Variants in VIRMA observed in about 807,000 individuals in gnomAD.
VIRMA encodes vir like m6A methyltransferase associated, also known as protein virilizer homolog.
In VIRMA, 65 loss-of-function variants were observed where a neutral mutation model predicts 182.4. That is an observed-to-expected ratio of 0.36 (90% CI 0.29 to 0.44). VIRMA has a LOEUF of 0.44. Ranked by LOEUF, VIRMA falls within the 20% of genes least tolerant of loss-of-function variation. The probability of loss-of-function intolerance (pLI) is 1.00; values close to 1 mark genes in which losing one functional copy is unlikely to be tolerated. For synonymous variants in VIRMA, 709 were observed against 743.1 expected, an observed-to-expected ratio of 0.95 and a Z score of 0.75; for missense variants, 1,752 against 2,158.1, an observed-to-expected ratio of 0.81 and a Z score of 3.73.
Position 94,491,722 on chromosome 8 carries a change from C to A in VIRMA, c.4996G>T (p.Val1666Phe), listed in dbSNP as rs1417610586. 1 of 1,614,136 alleles carries A rather than the reference C, an allele frequency of 6.2e-7. No homozygotes were observed. The highest frequency in any genetic ancestry group is 8.5e-7 in the Non-Finnish European group (1 of 1,180,034). The stretch of plus-strand genomic sequence containing the variant: ...GGTGGAGGTATTCCATCTTGAGGAA[C>A]CACTTCTTTACTTTCAGCAGCAACA... The part of the protein sequence containing the change: ...DFVAAESKEV[V>F]PQDGIPPPKR... Residue 1666 changes from valine to phenylalanine, a missense_variant, in exon 22 of 24, where the codon GTT (valine) becomes TTT (phenylalanine). By Grantham distance (50) the Val-to-Phe change is conservative. Around this residue, in one of 11 missense-constraint regions of VIRMA, gnomAD observed 12 missense variants for 24.2 expected, o/e 0.50. Transcript: ENST00000297591.
chr8:94,536,962 G>A, intron 4 of VIRMA, 141 bp downstream of exon 4: 1 of 659,286 alleles, frequency 1.5e-6, no homozygotes, highest in Non-Finnish European at 2.7e-6. Context: ...CTGGGTGACA[G>A]AGCGAGACTC....
rs536765222 is a variant in VIRMA at position 94,538,415 on chromosome 8, T to C, written c.180-69A>G. 78 of 935,912 alleles carry C rather than the reference T, an allele frequency of 8.3e-5. 1 individual carries two copies. The East Asian group carries it at 1.6e-3, about 19-fold the overall frequency. The allele number at this position is 935,912 out of a possible 1,614,324, so 58.0% of individuals were successfully genotyped here. On this transcript the variant is annotated intron_variant, in intron 2 of 23. Coordinates refer to ENST00000297591, the MANE Select transcript of VIRMA (RefSeq NM_015496.5). ...ACTTCCTAAATTAAAACAAATAACA[T>C]AGTAAGTACAAAGTTAAGAGCAATT...
Position 94,526,746 on chromosome 8 carries a change from TAAGAG to T in VIRMA, c.1493_1497del (p.Ser498Ter). On this transcript the variant is annotated frameshift_variant, in exon 8 of 24. Coordinates refer to ENST00000297591, the MANE Select transcript of VIRMA (RefSeq NM_015496.5). LOFTEE classifies it high-confidence loss of function. ...TCCAAAGCTTTAAAAGCATTTAACTTAAGAGAAGATGATACGTGATCAGCAAACAG... is the reference window on the plus strand; with the variant it reads ...TCCAAAGCTTTAAAAGCATTTAACTTAAGATGATACGTGATCAGCAAACAG... 6.2e-7 allele frequency: 1 copy of T among 1,613,980 alleles called. No homozygotes were observed. Among genetic ancestry groups the T allele is most frequent in the Non-Finnish European group, 8.5e-7 (1 of 1,180,020 alleles).
At chr8:94,491,156 A>G (rs1446989291) in intron 22 of VIRMA, among the ~76,000 whole-genome samples, 2 of 151,006 alleles carry the variant, frequency 1.3e-5, no homozygotes, top group African/African-American at 4.9e-5. Context: ...TCTACTAAAA[A>G]TACAAAAATT....
chr8:94,519,436 G>C lies in VIRMA; in HGVS notation c.2062C>G (p.Leu688Val). 6.5e-7 allele frequency: 1 copy of C among 1,527,806 alleles called. No individual in the cohort carries two copies. Among genetic ancestry groups the C allele is most frequent in the East Asian group, 2.3e-5 (1 of 44,358 alleles). The allele number at this position is 1,527,806 out of a possible 1,614,324, so 94.6% of individuals were successfully genotyped here. ...GCACTTGTTACTGGAATTGACAGAA[G>C]CAAGGTAACCAACTCCAAGAAGTGA... ...SHHFLELVTL[L>V]LSIPVTSAHP... Residue 688 changes from leucine to valine, a missense_variant, in exon 9 of 24, where the codon CTT becomes GTT. This residue lies in a region of VIRMA where 401 missense variants were observed against 455.1 expected (regional missense o/e 0.88). Coordinates refer to ENST00000297591, the MANE Select transcript of VIRMA (RefSeq NM_015496.5).
rs1230995426 is a variant in VIRMA at position 94,545,483 on chromosome 8, T to C, written c.64-1541A>G. On this transcript the variant is annotated intron_variant, in intron 1 of 23. Transcript: ENST00000297591. Reference sequence around the variant, plus strand: ...TTGTATATAAAAGAGTTTCTGTATTTGCTGCTACCAGTTGTTAAATATTTA... The same window carrying C: ...TTGTATATAAAAGAGTTTCTGTATTCGCTGCTACCAGTTGTTAAATATTTA... 2.0e-5 allele frequency among the ~76,000 whole-genome samples: 3 copies of C among 152,226 alleles called. No homozygotes were observed. In the East Asian group the frequency reaches 5.8e-4, roughly 29 times the overall value.
Position 94,506,557 on chromosome 8 carries a change from C to T in VIRMA, c.4040G>A (p.Cys1347Tyr). 6.2e-7 allele frequency: 1 copy of T among 1,613,498 alleles called. No homozygotes were observed. Among genetic ancestry groups the T allele is most frequent in the Non-Finnish European group, 8.5e-7 (1 of 1,179,592 alleles). Residue 1347 changes from cysteine to tyrosine, a missense_variant, in exon 16 of 24, where the codon TGT becomes TAT. By Grantham distance (194) the Cys-to-Tyr change is radical (BLOSUM62 -2). Coordinates refer to ENST00000297591, the MANE Select transcript of VIRMA (RefSeq NM_015496.5). ...TGCAAGAAACATCATTGTTCTGACA[C>T]ATGTCAGTAAACAGTTGTAACTGCT... ...SESSYNCLLTCVRTMMFLAEH... is the reference protein window; with the variant it reads ...SESSYNCLLTYVRTMMFLAEH...
chr8:94,548,346 T>C (rs1288102424), intron 1 of VIRMA, among the ~76,000 whole-genome samples: 1 of 151,252 alleles, frequency 6.6e-6, no homozygotes, highest in Non-Finnish European at 1.5e-5. Context: ...TACAGTATTG[T>C]AATATTAACG....
At chr8:94,547,873 A>T (rs1489848248) in intron 1 of VIRMA, among the ~76,000 whole-genome samples, 1 of 150,058 alleles carries the variant, frequency 6.7e-6, no homozygotes, top group Non-Finnish European at 1.5e-5. Context: ...CTCTACCAAA[A>T]AAAAAAAAAA....
intron 16 of VIRMA, among the ~76,000 whole-genome samples, chr8:94,500,776 G>A (rs79521048): frequency 6.6e-6 from 1 of 150,750 alleles, no homozygotes; most frequent in Non-Finnish European, 1.5e-5. Context: ...AATGAAAACT[G>A]AGATTCACAC....
In VIRMA at chr8:94,491,796, T is replaced by C. The variant is rs1319401820; in HGVS notation, c.4922A>G (p.Gln1641Arg). 6.2e-7 allele frequency: 1 copy of C among 1,613,882 alleles called. No individual in the cohort carries two copies. The highest frequency in any genetic ancestry group is 1.7e-5 in the Admixed American group (1 of 59,994). The change falls in exon 22 of 24, where the codon CAG becomes CGG. Residue 1641 changes from glutamine (Q) to arginine (R), a missense_variant. Coordinates refer to ENST00000297591, the MANE Select transcript of VIRMA (RefSeq NM_015496.5). ...QGIRPHDIFR[Q>R]RKQNTSRPPS... ...TGGTCTACTTGTGTTCTGTTTTCTC[T>C]GACGAAAAATATCATGAGGTCGTAT...
In VIRMA at chr8:94,519,209, G is replaced by A; in HGVS notation, c.2289C>T (p.Asp763=). ...IDDAFALWLQ[D]STQTLQCITE... ...TAATACATTGCAATGTCTGTGTTGA[G>A]TCCTGTAGCCACAAGGCAAATGCAT... The change falls in exon 9 of 24, where the codon GAC becomes GAT. Residue 763 remains aspartate, a synonymous_variant. Transcript: ENST00000297591. 1.9e-6 allele frequency: 3 copies of A among 1,614,120 alleles called. No homozygotes were observed. The highest frequency in any genetic ancestry group is 2.5e-6 in the Non-Finnish European group (3 of 1,179,996).
At chr8:94,505,376 C>A (rs567580577) in intron 16 of VIRMA, among the ~76,000 whole-genome samples, 1 of 142,998 alleles carries the variant, frequency 7.0e-6, no homozygotes. Flanking sequence ...TATCTTCCCT[C>A]TTCCTTCTCC....
intron 6 of VIRMA, among the ~76,000 whole-genome samples, chr8:94,529,906 C>T (rs77708497): frequency 0.24 from 36,328 of 152,110 alleles, 5,342 homozygotes; most frequent in East Asian, 0.5. Context: ...TCCCAAAGTG[C>T]TGGGATTACA....
chr8:94,495,717 A>G lies in VIRMA; in HGVS notation c.4544+14T>C. 1 of 1,608,026 alleles carries G rather than the reference A, an allele frequency of 6.2e-7. No homozygotes were observed. Among genetic ancestry groups the G allele is most frequent in the East Asian group, 2.2e-5 (1 of 44,820 alleles). On this transcript the variant is annotated intron_variant, in intron 19 of 23. Transcript: ENST00000297591. ...ACCAACAGCTATTCAATCATAAAAC[A>G]TTGTGTATTTTACCTATTGTTAAAC...
Position 94,538,312 on chromosome 8 carries a change from A to G in VIRMA, c.214T>C (p.Phe72Leu), listed in dbSNP as rs1217330329. 6.2e-7 allele frequency: 1 copy of G among 1,613,252 alleles called. No individual in the cohort carries two copies. Among genetic ancestry groups the G allele is most frequent in the Non-Finnish European group, 8.5e-7 (1 of 1,179,290 alleles). Reference sequence around the variant, plus strand: ...CTTGGTTTGCTTACATTGTTGAAGAATAAGTCTAATTGAAATGTATGGGGA... The same window carrying G: ...CTTGGTTTGCTTACATTGTTGAAGAGTAAGTCTAATTGAAATGTATGGGGA... ...TSPHTFQLDL[F>L]FNNVSKPSAP... The change falls in exon 3 of 24, where the codon TTC becomes CTC. Residue 72 changes from phenylalanine to leucine, a missense_variant. Transcript: ENST00000297591.
chr8:94,517,600 G>A (rs1402659236), intron 10 of VIRMA, among the ~76,000 whole-genome samples, 188 bp downstream of exon 10: 1 of 152,016 alleles, frequency 6.6e-6, no homozygotes, highest in African/African-American at 2.4e-5. Flanking sequence ...AAACTATTTT[G>A]TTTATATACT....
chr8:94,522,001 A>C (rs950565165), intron 8 of VIRMA, among the ~76,000 whole-genome samples: 1 of 152,146 alleles, frequency 6.6e-6, no homozygotes. Flanking sequence ...CCTAACTGAT[A>C]AGAATGGTTC....
rs971637572 is a variant in VIRMA at position 94,512,012 on chromosome 8, T to G, written c.2829A>C (p.Pro943=). The part of the protein sequence containing the change: ...ALRVLCNVAC[P]PPPVEGQQKD... ...CCACATTACCTTCAACAGGAGGTGG[T>G]GGGCATGCAACATTACAGAGAACAC... The change falls in exon 12 of 24, where the codon CCA becomes CCC. Residue 943 remains proline (P), a synonymous_variant. Coordinates refer to ENST00000297591, the MANE Select transcript of VIRMA (RefSeq NM_015496.5). 1 of 1,527,786 alleles carries G rather than the reference T, an allele frequency of 6.5e-7. No homozygotes were observed. The highest frequency in any genetic ancestry group is 1.9e-5 in the Admixed American group (1 of 52,920). The allele number at this position is 1,527,786 out of a possible 1,614,324, so 94.6% of individuals were successfully genotyped here.
Sources: gnomAD v4.1 joint callset for allele counts (sites outside exome capture counted in the v4.1 genomes callset) on GRCh38, gnomAD v4.1.1 for gene constraint, gnomAD v4.1.1 regional missense constraint, MANE v1.5 for transcripts, NCBI Gene and HGNC (gene_info 2026-07-23, HGNC 2026-07-21) for gene names.